NEK1: variants seen among roughly 807,000 people sequenced by gnomAD.
NEK1 encodes NIMA related kinase 1.
In NEK1, 137 loss-of-function variants were observed where a neutral mutation model predicts 182.1. The ratio of observed to expected loss-of-function variants is 0.75; its 90% CI spans 0.65 to 0.87. NEK1 has a LOEUF of 0.87. Among genes scored for constraint, NEK1 ranks in the 40% least tolerant of loss-of-function variants. NEK1 has a pLI of 0.00. For synonymous variants in NEK1, 513 were observed against 492.2 expected, an observed-to-expected ratio of 1.04 and a Z score of -0.56; for missense variants, 1,391 against 1,494.4, an observed-to-expected ratio of 0.93 and a Z score of 1.14.
intron 27 of NEK1, 80 bp from the exon 28 acceptor site, chr4:169,438,339 C>A: frequency 3.7e-6 from 4 of 1,067,262 alleles, no homozygotes; most frequent in South Asian, 1.8e-5. Context: ...GGGCAAAGTT[C>A]AAAAAGCTGC....
At chr4:169,397,177 T>A (rs1408556156) in intron 35 of NEK1, among the ~76,000 whole-genome samples, 1 of 151,698 alleles carries the variant, frequency 6.6e-6, no homozygotes, top group African/African-American at 2.4e-5. Context: ...TGAGTTGAGA[T>A]CATGCCACTG....
chr4:169,548,308 A>G (rs1760864124), intron 18 of NEK1, among the ~76,000 whole-genome samples: 1 of 152,240 alleles, frequency 6.6e-6, no homozygotes, highest in Admixed American at 6.5e-5. Flanking sequence ...GAAGAACAGC[A>G]AAGATTGCTG....
intron 27 of NEK1, among the ~76,000 whole-genome samples, chr4:169,448,872 G>T (rs1292247080): frequency 6.6e-6 from 1 of 152,218 alleles, no homozygotes; most frequent in Non-Finnish European, 1.5e-5. Context: ...CCTGGGAAGC[G>T]CAATGAGTCG....
chr4:169,415,588 T>C (rs1177787966), intron 31 of NEK1, among the ~76,000 whole-genome samples: 8 of 152,190 alleles, frequency 5.3e-5, no homozygotes, highest in Non-Finnish European at 1.0e-4. Context: ...ACAATCTATA[T>C]ATTTGGATGT....
At chr4:169,495,337 G>A (rs533700312) in intron 23 of NEK1, among the ~76,000 whole-genome samples, 7 of 143,012 alleles carry the variant, frequency 4.9e-5, no homozygotes, top group Admixed American at 2.3e-4. Flanking sequence ...TCCACCTCCC[G>A]GGTTCACGCC....
intron 2 of NEK1, among the ~76,000 whole-genome samples, chr4:169,603,276 CTGG>C (rs1465035744): frequency 6.6e-6 from 1 of 152,108 alleles, no homozygotes; most frequent in African/African-American, 2.4e-5. Context: ...CTCATTAACA[CTGG>C]TTATTATTAT....
Position 169,479,408 on chromosome 4 carries a change from C to T in NEK1, c.2134G>A (p.Gly712Ser). 1.2e-6 allele frequency: 2 copies of T among 1,606,528 alleles called. No individual in the cohort carries two copies. The highest frequency in any genetic ancestry group is 1.1e-5 in the South Asian group (1 of 88,468). ...CTGAATCTTAGGAAACTTACCACGCCAACTTCTTTCAAAGCTGAAGTTACA... is the reference window on the plus strand; with the variant it reads ...CTGAATCTTAGGAAACTTACCACGCTAACTTCTTTCAAAGCTGAAGTTACA... ...ISVTSALKEV[G>S]VDSSLTDTRE... The change falls in exon 24 of 36, where the codon GGC (glycine) becomes AGC (serine). Residue 712 changes from glycine (G) to serine (S), a missense_variant. By Grantham distance (56) the Gly-to-Ser change is moderately conservative. Coordinates refer to ENST00000507142, the MANE Select transcript of NEK1 (RefSeq NM_001199397.3).
At chr4:169,575,066 C>T (rs1453994495) in intron 12 of NEK1, among the ~76,000 whole-genome samples, 1 of 152,106 alleles carries the variant, frequency 6.6e-6, no homozygotes, top group African/African-American at 2.4e-5. Context: ...GGGGGCAGAT[C>T]AGAGTATGAC....
chr4:169,612,379 C>T lies in NEK1; in HGVS notation c.-330G>A, dbSNP rs966948134. On this transcript the variant is annotated 5_prime_UTR_variant, in exon 1 of 36. Transcript: ENST00000507142. ...AGCAGGGGGAGTGCCTCCGTTACCG[C>T]CTCTCCAACTTCACAGAGGTCGTTG... 1 of 152,212 alleles carries T rather than the reference C, an allele frequency of 6.6e-6. No homozygotes were observed. The highest frequency in any genetic ancestry group is 2.1e-4 in the South Asian group (1 of 4,822). The allele number at this position is 152,212 out of a possible 1,614,324, so 9.4% of individuals were successfully genotyped here.
At chr4:169,487,190 T>C (rs893361777) in intron 23 of NEK1, among the ~76,000 whole-genome samples, 1 of 152,126 alleles carries the variant, frequency 6.6e-6, no homozygotes, top group African/African-American at 2.4e-5. Context: ...CCAGGGTACA[T>C]GTGCAGAATG....
chr4:169,456,081 CA>C (rs1200987975), intron 27 of NEK1, among the ~76,000 whole-genome samples: 1 of 152,070 alleles, frequency 6.6e-6, no homozygotes, highest in Non-Finnish European at 1.5e-5. Context: ...ACTATACAAA[CA>C]CATGGAAATT....
intron 26 of NEK1, among the ~76,000 whole-genome samples, chr4:169,473,712 C>A (rs113334664): frequency 6.6e-6 from 1 of 151,912 alleles, no homozygotes; most frequent in African/African-American, 2.4e-5. Context: ...TAGCAAAACA[C>A]CATCTCTCCA....
At chr4:169,564,548 A>G (rs1763395481) in intron 12 of NEK1, among the ~76,000 whole-genome samples, 1 of 152,138 alleles carries the variant, frequency 6.6e-6, no homozygotes, top group African/African-American at 2.4e-5. Context: ...AATATTACAA[A>G]ATAAACATGA....
intron 32 of NEK1, among the ~76,000 whole-genome samples, chr4:169,405,891 G>A (rs1161674744): frequency 2.0e-5 from 3 of 152,134 alleles, no homozygotes; most frequent in Non-Finnish European, 4.4e-5. Context: ...ATCGCTTGAG[G>A]TCAGGAGTTT....
At chr4:169,461,993 G>T (rs1744058555) in intron 27 of NEK1, among the ~76,000 whole-genome samples, 1 of 152,018 alleles carries the variant, frequency 6.6e-6, no homozygotes, top group Non-Finnish European at 1.5e-5. Flanking sequence ...TGAATACGAA[G>T]AATGAAAGCC....
intron 19 of NEK1, among the ~76,000 whole-genome samples, chr4:169,532,547 G>A (rs565435071): frequency 6.6e-6 from 1 of 152,254 alleles, no homozygotes; most frequent in African/African-American, 2.4e-5. Context: ...GTGATAACGA[G>A]GGAGGCTACA....
intron 23 of NEK1, among the ~76,000 whole-genome samples, chr4:169,491,285 T>C (rs979570094): frequency 1.3e-5 from 2 of 151,766 alleles, no homozygotes; most frequent in African/African-American, 4.8e-5. Context: ...ACAGGTTCAA[T>C]GCAAAGAGGT....
At chr4:169,588,569 T>C (rs1331640824) in intron 8 of NEK1, 80 bp downstream of exon 8, 21 of 751,506 alleles carry the variant, frequency 2.8e-5, no homozygotes, top group Non-Finnish European at 4.7e-5. Context: ...TATTTTAGAA[T>C]AGTATTCCAA....
At chr4:169,598,854 T>C (rs1348963959) in intron 5 of NEK1, among the ~76,000 whole-genome samples, 1 of 152,200 alleles carries the variant, frequency 6.6e-6, no homozygotes, top group Non-Finnish European at 1.5e-5. Context: ...GGCATATACA[T>C]AGACGCATGA....
Sources: gnomAD v4.1 joint callset for allele counts (sites outside exome capture counted in the v4.1 genomes callset) on GRCh38, gnomAD v4.1.1 for gene constraint, MANE v1.5 for transcripts, NCBI Gene and HGNC (gene_info 2026-07-23, HGNC 2026-07-21) for gene names.